Variants in APBA2 observed in about 807,000 individuals in gnomAD.
APBA2 encodes amyloid beta precursor protein binding family A member 2.
A neutral mutation model predicts 75.0 loss-of-function variants in APBA2; 30 were observed. The ratio of observed to expected loss-of-function variants is 0.40; its 90% CI spans 0.30 to 0.54. APBA2 has a LOEUF of 0.54. Ranked by LOEUF, APBA2 falls within the 20% of genes least tolerant of loss-of-function variation. The probability of loss-of-function intolerance (pLI) is 0.49; values close to 1 mark genes in which losing one functional copy is unlikely to be tolerated. For synonymous variants in APBA2, 444 were observed against 409.6 expected (o/e 1.08, Z -1.01); for missense variants, 801 against 1,016.1 (o/e 0.79, Z 2.88).
At chr15:29,017,226 C>T (rs555129961) in intron 3 of APBA2, among the ~76,000 whole-genome samples, 1 of 152,224 alleles carries the variant, frequency 6.6e-6, no homozygotes, top group East Asian at 1.9e-4. Flanking sequence ...GAGCTTGCTG[C>T]ACGCACTTCT....
At chr15:28,952,853 A>G (rs2035963560) in intron 2 of APBA2, among the ~76,000 whole-genome samples, 2 of 152,226 alleles carry the variant, frequency 1.3e-5, no homozygotes, top group South Asian at 4.1e-4. Context: ...TCTCCATTGT[A>G]TAGATAGAGA....
chr15:28,967,757 T>C (rs1281577422), intron 2 of APBA2, among the ~76,000 whole-genome samples: 3 of 152,200 alleles, frequency 2.0e-5, no homozygotes, highest in African/African-American at 7.2e-5. Flanking sequence ...ATTTTTAAAA[T>C]GTATTTTAAT....
chr15:29,099,909 GA>G (rs1309801164), intron 9 of APBA2, among the ~76,000 whole-genome samples: 2 of 152,238 alleles, frequency 1.3e-5, no homozygotes, highest in Admixed American at 6.5e-5. Flanking sequence ...CTGTGAAGGA[GA>G]GATGAGAAAT....
chr15:28,899,651 G>A (rs764262353), intron 1 of APBA2, among the ~76,000 whole-genome samples: 19 of 152,166 alleles, frequency 1.2e-4, no homozygotes, highest in Non-Finnish European at 2.4e-4. Flanking sequence ...CAGAGGCACT[G>A]GGAGACCTTG....
In APBA2 at chr15:29,117,493, A is replaced by G. The variant is rs2045266632; in HGVS notation, c.*360A>G. The stretch of plus-strand genomic sequence containing the variant: ...CGGAGCGAACTGGCGCCTCCGAGGG[A>G]CGCGGCTCCCGGGGCAGGGCAGCCG... On this transcript the variant is annotated 3_prime_UTR_variant, in exon 15 of 15. Transcript: ENST00000683413. 1.4e-5 allele frequency: 4 copies of G among 296,192 alleles called. No homozygotes were observed. Among genetic ancestry groups the G allele is most frequent in the East Asian group, 8.6e-5 (1 of 11,610 alleles). The allele number at this position is 296,192 out of a possible 1,614,324, so 18.3% of individuals were successfully genotyped here.
chr15:28,939,838 G>A (rs2035089156), intron 2 of APBA2, among the ~76,000 whole-genome samples: 1 of 152,192 alleles, frequency 6.6e-6, no homozygotes, highest in Admixed American at 6.5e-5. Context: ...TAGACAGTGT[G>A]CTTCAGACGA....
intron 4 of APBA2, among the ~76,000 whole-genome samples, chr15:29,063,960 C>T (rs2042264038): frequency 6.6e-6 from 1 of 152,026 alleles, no homozygotes; most frequent in Non-Finnish European, 1.5e-5. Flanking sequence ...GTAAGGGCCT[C>T]CCAAGGTGCC....
At chr15:28,894,242 G>C (rs1463710880) in intron 1 of APBA2, among the ~76,000 whole-genome samples, 1 of 152,086 alleles carries the variant, frequency 6.6e-6, no homozygotes, top group African/African-American at 2.4e-5. Flanking sequence ...CCTTTGCCTG[G>C]AGCTCTGTCC....
chr15:29,098,449 G>A (rs372288782), intron 8 of APBA2, 41 bp from the exon 9 acceptor site: 39 of 1,428,178 alleles, frequency 2.7e-5, no homozygotes, highest in Non-Finnish European at 3.7e-5. Context: ...TCTATTCCGA[G>A]TTGGTTTTTG....
chr15:28,923,832 T>A (rs991824065), intron 2 of APBA2, among the ~76,000 whole-genome samples: 1 of 152,112 alleles, frequency 6.6e-6, no homozygotes, highest in South Asian at 2.1e-4. Context: ...GTTTTAGAGG[T>A]GGGCCGTGAG....
intron 2 of APBA2, among the ~76,000 whole-genome samples, chr15:28,949,595 A>G (rs1238181428): frequency 1.3e-5 from 2 of 152,046 alleles, no homozygotes; most frequent in Admixed American, 1.3e-4. Flanking sequence ...CAGCCTCCCA[A>G]TTAGATGGGA....
intron 3 of APBA2, among the ~76,000 whole-genome samples, chr15:29,039,675 T>C (rs1232195855): frequency 1.3e-5 from 2 of 152,170 alleles, no homozygotes; most frequent in Non-Finnish European, 2.9e-5. Flanking sequence ...TTCCTGCCGA[T>C]GATAATGCTG....
intron 2 of APBA2, among the ~76,000 whole-genome samples, chr15:28,943,804 C>T (rs954195484): frequency 1.3e-5 from 2 of 152,084 alleles, no homozygotes; most frequent in Non-Finnish European, 2.9e-5. Context: ...TGGCTGCACC[C>T]TGGGCTCCAC....
chr15:29,117,128 A>G lies in APBA2; in HGVS notation c.2245A>G (p.Ile749Val). ...LLTGQETPLY[I>V] ...CACGGGTCAGGAGACCCCGCTGTAC[A>G]TCTAGGCCACCCCAGCCTGGCCACG... Residue 749 changes from isoleucine (I) to valine (V), a missense_variant, in exon 15 of 15, where the codon ATC becomes GTC. Physicochemically the swap from Ile to Val is conservative, Grantham distance 29. This residue lies in a region of APBA2 where 367 missense variants were observed against 544.5 expected (regional missense o/e 0.67). Transcript: ENST00000683413. The G allele has an allele frequency of 1.9e-6, 3 of 1,613,000 alleles. No individual in the cohort carries two copies. Among genetic ancestry groups the G allele is most frequent in the Non-Finnish European group, 2.5e-6 (3 of 1,179,920 alleles).
chr15:29,108,442 G>A (rs199884643), intron 13 of APBA2, 53 bp downstream of exon 13: 14 of 1,612,762 alleles, frequency 8.7e-6, no homozygotes, highest in East Asian at 2.2e-5. Context: ...GGCCCAGGGA[G>A]GGGGAGCAGC....
At chr15:29,042,265 C>A (rs2041085525) in intron 3 of APBA2, among the ~76,000 whole-genome samples, 1 of 150,696 alleles carries the variant, frequency 6.6e-6, no homozygotes, top group Non-Finnish European at 1.5e-5. Flanking sequence ...AATCCCCTTC[C>A]TCTCTCTCTC....
chr15:28,968,677 TC>T (rs2036870231), intron 2 of APBA2, among the ~76,000 whole-genome samples: 1 of 152,168 alleles, frequency 6.6e-6, no homozygotes, highest in African/African-American at 2.4e-5. Flanking sequence ...TTTGTTGAAG[TC>T]TTAAGCTCCA....
chr15:29,093,349 C>T (rs867265849), intron 7 of APBA2, 129 bp downstream of exon 7: 164 of 1,392,590 alleles, frequency 1.2e-4, no homozygotes, highest in African/African-American at 1.7e-4. Context: ...GGGGCAGGAG[C>T]GGCCCAGGTG....
intron 14 of APBA2, among the ~76,000 whole-genome samples, chr15:29,116,066 C>T (rs73370302): frequency 0.058 from 8,635 of 149,598 alleles, 714 homozygotes; most frequent in African/African-American, 0.19. Context: ...GCTCCCTTTC[C>T]GTTCTTGAAG....
Sources: allele counts gnomAD v4.1 joint callset (sites outside exome capture counted in the v4.1 genomes callset), GRCh38; gene constraint gnomAD v4.1.1; regional missense constraint gnomAD v4.1.1; transcripts MANE v1.5; gene names NCBI Gene and HGNC (gene_info 2026-07-23, HGNC 2026-07-21).